The following FSTL5 variants were observed in gnomAD, a reference collection of about 807,000 sequenced individuals.
FSTL5 encodes the protein follistatin-related protein 5.
Under a neutral mutation model 89.1 loss-of-function variants are expected in FSTL5, and 62 were observed. That is an observed-to-expected ratio of 0.70 (90% CI 0.57 to 0.86). The LOEUF (loss-of-function observed/expected upper bound fraction) is 0.86, where lower values mean the gene tolerates loss of function less well. Among genes scored for constraint, FSTL5 ranks in the 40% least tolerant of loss-of-function variants. FSTL5 has a pLI of 0.00. For missense variants in FSTL5, 1,057 were observed against 1,001.6 expected (o/e 1.06, Z -0.75); for synonymous variants, 383 against 346.2 (o/e 1.11, Z -1.18).
chr4:161,524,185 A>G (rs10007673), intron 10 of FSTL5, among the ~76,000 whole-genome samples: 4,849 of 152,216 alleles, frequency 0.032, 271 homozygotes, highest in African/African-American at 0.11. Flanking sequence ...TTATCACCAC[A>G]AAGACAGTCC....
intron 3 of FSTL5, among the ~76,000 whole-genome samples, chr4:161,967,686 T>G (rs1319682664): frequency 6.6e-6 from 1 of 151,936 alleles, no homozygotes; most frequent in South Asian, 2.1e-4. Flanking sequence ...TAATTTGGAG[T>G]GATAGTTTCT....
chr4:161,876,972 G>T (rs1373872704), intron 4 of FSTL5, among the ~76,000 whole-genome samples: 2 of 151,424 alleles, frequency 1.3e-5, no homozygotes, highest in Non-Finnish European at 2.9e-5. Flanking sequence ...ATCACCAGAG[G>T]TCGGGAGTTT....
Position 162,021,204 on chromosome 4 carries a change from G to A in FSTL5, c.160+12421C>T, listed in dbSNP as rs1349062728. Among the ~76,000 whole-genome samples the A allele has an allele frequency of 2.0e-5, 3 of 152,094 alleles. No individual in the cohort carries two copies. In the East Asian group the frequency reaches 5.8e-4, roughly 29 times the overall value. On this transcript the variant is annotated intron_variant, in intron 3 of 15. Coordinates refer to ENST00000306100, the MANE Select transcript of FSTL5 (RefSeq NM_020116.5). ...TATAGTCTATACTGGCTACTACTAG[G>A]CAACTGCAAATAAGCATTTTTTTAT... is the stretch of plus-strand genomic sequence containing the variant.
At chr4:161,564,678 T>A (rs1732737548) in intron 8 of FSTL5, among the ~76,000 whole-genome samples, 1 of 151,626 alleles carries the variant, frequency 6.6e-6, no homozygotes, top group South Asian at 2.1e-4. Flanking sequence ...TAAATGCATT[T>A]TTATTATTTA....
intron 3 of FSTL5, among the ~76,000 whole-genome samples, chr4:161,932,730 T>A (rs1273581059): frequency 4.6e-5 from 7 of 151,980 alleles, no homozygotes. Context: ...TTGTTCCATA[T>A]TTATGTCTTT....
intron 6 of FSTL5, among the ~76,000 whole-genome samples, chr4:161,683,796 C>T (rs1351228922): frequency 1.3e-5 from 2 of 152,060 alleles, no homozygotes; most frequent in Non-Finnish European, 1.5e-5. Context: ...TGTTTGGTTA[C>T]ATGAGTAAGT....
intron 15 of FSTL5, among the ~76,000 whole-genome samples, chr4:161,414,317 A>G (rs1039434620): frequency 2.6e-5 from 4 of 152,160 alleles, no homozygotes; most frequent in African/African-American, 9.7e-5. Flanking sequence ...TCCACTCTTA[A>G]TTTTAATTAA....
intron 6 of FSTL5, among the ~76,000 whole-genome samples, chr4:161,676,747 G>GCACACA (rs148353944): frequency 0.025 from 3,518 of 143,328 alleles, 104 homozygotes; most frequent in African/African-American, 0.078. Context: ...ATACATACAC[G>GCACACA]CACACACACA....
At chr4:161,424,093 G>C (rs1732090140) in intron 15 of FSTL5, among the ~76,000 whole-genome samples, 2 of 141,624 alleles carry the variant, frequency 1.4e-5, no homozygotes, top group Middle Eastern at 3.8e-3. Flanking sequence ...TGGCCAGGAT[G>C]GTCTCGATCT....
intron 7 of FSTL5, among the ~76,000 whole-genome samples, chr4:161,605,451 T>C (rs922989682): frequency 1.3e-5 from 2 of 152,210 alleles, no homozygotes. Context: ...AGTATATCTA[T>C]TGTGGAAGTT....
chr4:161,637,974 A>C (rs1431600608), intron 7 of FSTL5, among the ~76,000 whole-genome samples: 1 of 151,576 alleles, frequency 6.6e-6, no homozygotes, highest in African/African-American at 2.4e-5. Flanking sequence ...TATGAACTTT[A>C]AAGTAGTTTT....
intron 1 of FSTL5, among the ~76,000 whole-genome samples, chr4:162,151,384 T>G (rs1002108670): frequency 7.2e-5 from 11 of 152,158 alleles, no homozygotes; most frequent in African/African-American, 2.7e-4. Flanking sequence ...ACTGTCTGTT[T>G]AACAGTTTCT....
At chr4:161,468,886 TATTTC>T (rs1455631334) in intron 13 of FSTL5, among the ~76,000 whole-genome samples, 1 of 152,304 alleles carries the variant, frequency 6.6e-6, no homozygotes, top group East Asian at 1.9e-4. Flanking sequence ...CAGATTTATC[TATTTC>T]ATTAGTATTT....
chr4:161,525,402 T>A (rs1731182653), intron 10 of FSTL5, among the ~76,000 whole-genome samples: 1 of 152,166 alleles, frequency 6.6e-6, no homozygotes. Context: ...GTCTCTTTTC[T>A]AATGTACAAT....
At chr4:162,020,508 T>C (rs1239721469) in intron 3 of FSTL5, among the ~76,000 whole-genome samples, 1 of 152,242 alleles carries the variant, frequency 6.6e-6, no homozygotes, top group African/African-American at 2.4e-5. Context: ...TAGATAACCA[T>C]AGTTAACACT....
At chr4:162,063,679 C>A (rs1738795636) in intron 2 of FSTL5, among the ~76,000 whole-genome samples, 1 of 151,852 alleles carries the variant, frequency 6.6e-6, no homozygotes, top group South Asian at 2.1e-4. Context: ...ATTGTTTGAG[C>A]AAAGCTACCT....
At chr4:161,933,958 T>C (rs1308234031) in intron 3 of FSTL5, among the ~76,000 whole-genome samples, 1 of 152,070 alleles carries the variant, frequency 6.6e-6, no homozygotes, top group African/African-American at 2.4e-5. Context: ...AGAAAACATA[T>C]CTCCTAAACA....
chr4:161,464,743 T>G (rs1733694070), intron 13 of FSTL5, among the ~76,000 whole-genome samples: 1 of 152,096 alleles, frequency 6.6e-6, no homozygotes, highest in Non-Finnish European at 1.5e-5. Context: ...CAAAATTTTG[T>G]AGCATGGCAA....
intron 3 of FSTL5, among the ~76,000 whole-genome samples, chr4:161,963,272 T>A (rs1177213313): frequency 2.6e-5 from 4 of 151,982 alleles, no homozygotes; most frequent in Non-Finnish European, 5.9e-5. Flanking sequence ...ATGTTCTTTA[T>A]TAAAATAATA....
Sources: gnomAD v4.1 joint callset for allele counts (sites outside exome capture counted in the v4.1 genomes callset) on GRCh38, gnomAD v4.1.1 for gene constraint, MANE v1.5 for transcripts, NCBI Gene and HGNC (gene_info 2026-07-23, HGNC 2026-07-21) for gene names.